The following DENND2B variants were observed in gnomAD, a reference collection of about 807,000 sequenced individuals.
DENND2B encodes DENN domain containing 2B, also known as DENN domain-containing protein 2B.
In DENND2B, 32 loss-of-function variants were observed where a neutral mutation model predicts 116.0. That is an observed-to-expected ratio of 0.28 (90% CI 0.21 to 0.37). DENND2B has a LOEUF of 0.37. Among genes scored for constraint, DENND2B ranks in the 10% least tolerant of loss-of-function variants. DENND2B has a pLI of 1.00. For synonymous variants in DENND2B, 588 were observed against 583.9 expected, an observed-to-expected ratio of 1.01 and a Z score of -0.10; for missense variants, 1,276 against 1,477.7, an observed-to-expected ratio of 0.86 and a Z score of 2.24.
intron 4 of DENND2B, among the ~76,000 whole-genome samples, chr11:8,829,978 T>C (rs1388648793): frequency 1.3e-5 from 2 of 152,202 alleles, no homozygotes; most frequent in African/African-American, 2.4e-5. Context: ...AAGTTCATCC[T>C]TCATGTCAGT....
rs200560832 is a variant in DENND2B, at chr11:8,829,161, G to A, written c.-115+10149C>T. On this transcript the variant is annotated intron_variant, in intron 4 of 6. Transcript: ENST00000524757. ...CATATGTGTGGTGTGTGTGTGGTGT[G>A]TAGTATGTGTGGTGTGTGTGGTGTT... Among the ~76,000 whole-genome samples, 312 of 151,070 alleles carry A rather than the reference G, an allele frequency of 2.1e-3. 6 individuals are homozygous for A. In the East Asian group the frequency reaches 0.042, roughly 20 times the overall value.
chr11:8,810,617 T>C lies in DENND2B; in HGVS notation c.-126A>G, dbSNP rs1194144177. The C allele has an allele frequency of 2.0e-5, 3 of 152,312 alleles. No individual in the cohort carries two copies. The highest frequency in any genetic ancestry group is 1.3e-4 in the Admixed American group (2 of 15,294). 9.4% of individuals were successfully genotyped at this position (152,312 alleles called of 1,614,324 possible). ...CACTGGCTTAAGCTCCGATACCTGCTGCGAGCTTCCCACAGCTCCTTCCTC... is the reference window on the plus strand; with the variant it reads ...CACTGGCTTAAGCTCCGATACCTGCCGCGAGCTTCCCACAGCTCCTTCCTC... On this transcript the variant is annotated 5_prime_UTR_variant, in exon 1 of 20. Coordinates refer to ENST00000313726, the MANE Select transcript of DENND2B (RefSeq NM_213618.2).
intron 1 of DENND2B, among the ~76,000 whole-genome samples, chr11:8,795,440 G>A (rs1172088642): frequency 6.6e-6 from 1 of 152,094 alleles, no homozygotes; most frequent in Non-Finnish European, 1.5e-5. Context: ...TGTTAAAAAT[G>A]CAAATTTTTA....
intron 1 of DENND2B, among the ~76,000 whole-genome samples, chr11:8,759,887 C>A (rs1259408494): frequency 6.6e-6 from 1 of 152,200 alleles, no homozygotes; most frequent in African/African-American, 2.4e-5. Flanking sequence ...CAATACTGGC[C>A]CTCAGATTCT....
chr11:8,799,649 G>A (rs566903230), intron 1 of DENND2B, among the ~76,000 whole-genome samples: 5 of 145,732 alleles, frequency 3.4e-5, no homozygotes, highest in African/African-American at 1.3e-4. Context: ...TGTGATCATT[G>A]CGCAGGACAG....
At chr11:8,698,166 A>AGG (rs11381686) in intron 16 of DENND2B, among the ~76,000 whole-genome samples, 66 of 129,452 alleles carry the variant, frequency 5.1e-4, no homozygotes, top group Middle Eastern at 4.2e-3. Flanking sequence ...AAAAAAAAAA[A>AGG]GGGGGTAGAG....
intron 3 of DENND2B, among the ~76,000 whole-genome samples, chr11:8,842,593 C>T (rs948120084): frequency 2.0e-5 from 3 of 152,110 alleles, no homozygotes; most frequent in East Asian, 1.9e-4. Context: ...ATCTGCCCTG[C>T]GCAAACACCA....
intron 2 of DENND2B, among the ~76,000 whole-genome samples, chr11:8,863,592 A>C (rs556340701): frequency 6.6e-6 from 1 of 152,192 alleles, no homozygotes; most frequent in East Asian, 1.9e-4. Context: ...CTAATTCAAA[A>C]GAGTGACCTG....
At chr11:8,715,517 G>A in intron 6 of DENND2B, 86 bp downstream of exon 6, 3 of 1,412,368 alleles carry the variant, frequency 2.1e-6, no homozygotes, top group South Asian at 1.2e-5. Flanking sequence ...GATTAGGGAA[G>A]GAAGGAAGCC....
chr11:8,826,777 T>C (rs1227202694), intron 4 of DENND2B, among the ~76,000 whole-genome samples: 3 of 152,348 alleles, frequency 2.0e-5, no homozygotes, highest in African/African-American at 7.2e-5. Flanking sequence ...TAACAAGACA[T>C]GCACTGGGCC....
intron 1 of DENND2B, among the ~76,000 whole-genome samples, chr11:8,883,252 T>C (rs2063921967): frequency 6.6e-6 from 1 of 152,154 alleles, no homozygotes; most frequent in Non-Finnish European, 1.5e-5. Context: ...ATATGACCCA[T>C]ATAAAAATAT....
At position 8,730,592 on chromosome 11, in the gene DENND2B, G is replaced by C; in HGVS notation, c.698C>G (p.Ser233Cys). 1 of 1,613,152 alleles carries C rather than the reference G, an allele frequency of 6.2e-7. No individual in the cohort carries two copies. ...CTCAGTCTCTGGGTAGGAACACTCG[G>C]AGAAGGTCCTGCTCATCCTCCGGAG... is the stretch of plus-strand genomic sequence containing the variant. ...KGLRRMSRTF[S>C]ECSYPETEEE... Residue 233 changes from serine to cysteine, a missense_variant, in exon 3 of 20, where the codon TCC becomes TGC. This residue lies in a region of DENND2B where 856 missense variants were observed against 846.6 expected (regional missense o/e 1.01). Transcript: ENST00000313726. This position sits in a 1 kb window ranked among gnomAD's most constrained non-coding sequence, Gnocchi z 4.1.
At chr11:8,696,728 T>C in intron 17 of DENND2B, 62 bp from the exon 18 acceptor site, 1 of 1,588,948 alleles carries the variant, frequency 6.3e-7, no homozygotes, top group Non-Finnish European at 8.6e-7. Context: ...TTCCTCAATC[T>C]TCCTGGTGTA....
At chr11:8,882,814 CCT>C (rs1203283168) in intron 1 of DENND2B, among the ~76,000 whole-genome samples, 1 of 151,934 alleles carries the variant, frequency 6.6e-6, no homozygotes, top group East Asian at 1.9e-4. Context: ...ACAGCAGGGC[CCT>C]GTCTCTAGAA....
upstream of DENND2B, among the ~76,000 whole-genome samples, chr11:8,814,267 CTT>C (rs78274604): frequency 8.2e-6 from 1 of 121,502 alleles, no homozygotes; most frequent in African/African-American, 3.2e-5. Flanking sequence ...TCTGAATCAC[CTT>C]TTTTTTTTTT....
intron 1 of DENND2B, among the ~76,000 whole-genome samples, chr11:8,764,506 T>C (rs1273105557): frequency 2.0e-5 from 3 of 152,172 alleles, no homozygotes; most frequent in Non-Finnish European, 4.4e-5. Context: ...GGTTAAGTAA[T>C]TTGCCTAGCG....
At chr11:8,858,519 A>G (rs1397987470) in intron 2 of DENND2B, among the ~76,000 whole-genome samples, 3 of 152,168 alleles carry the variant, frequency 2.0e-5, no homozygotes, top group South Asian at 4.1e-4. Flanking sequence ...TCCTAGGAGC[A>G]GGCAAAGGCC....
intron 1 of DENND2B, among the ~76,000 whole-genome samples, chr11:8,759,657 C>G (rs1022474266): frequency 6.6e-6 from 1 of 152,234 alleles, no homozygotes; most frequent in African/African-American, 2.4e-5. Context: ...AAAGGGCCAG[C>G]AATACAGTGA....
chr11:8,744,185 G>A (rs1027724132), intron 2 of DENND2B, among the ~76,000 whole-genome samples: 1 of 150,364 alleles, frequency 6.7e-6, no homozygotes, highest in African/African-American at 2.5e-5. Context: ...CCAGGCTGGA[G>A]TGCAATGGCG....
Sources: gnomAD v4.1 joint callset for allele counts (sites outside exome capture counted in the v4.1 genomes callset) on GRCh38, gnomAD v4.1.1 for gene constraint, gnomAD v4.1.1 regional missense constraint, Gnocchi (gnomAD v3.1) non-coding constraint, MANE v1.5 for transcripts, NCBI Gene and HGNC (gene_info 2026-07-23, HGNC 2026-07-21) for gene names.